TLL1: variants seen among roughly 807,000 people sequenced by gnomAD.
TLL1 encodes tolloid like 1.
In TLL1, 49 loss-of-function variants were observed where a neutral mutation model predicts 128.2. That is an observed-to-expected ratio of 0.38 (90% CI 0.30 to 0.48). The LOEUF is 0.48. Among genes scored for constraint, TLL1 ranks in the 20% least tolerant of loss-of-function variants. The pLI is 0.96. For synonymous variants in TLL1, 454 were observed against 418.8 expected (o/e 1.08, Z -1.03); for missense variants, 1,123 against 1,242.0 (o/e 0.90, Z 1.44).
rs563972607 is a variant in TLL1 at position 166,013,455 on chromosome 4, T to A, written c.918-981T>A. ...TAAATGCATTAAATTCATTTATAAG[T>A]TTTGGAAGGAAGTGCTGCATCATTT... On this transcript the variant is annotated intron_variant, in intron 7 of 20. Coordinates refer to ENST00000061240, the MANE Select transcript of TLL1 (RefSeq NM_012464.5). Among the ~76,000 whole-genome samples the A allele has an allele frequency of 5.3e-5, 8 of 151,906 alleles. No homozygotes were observed. The East Asian group carries it at 1.6e-3, about 29-fold the overall frequency.
At position 166,042,178 on chromosome 4, in the gene TLL1, T is replaced by G. The variant is rs757824303; in HGVS notation, c.1378+35T>G. The G allele has an allele frequency of 2.4e-5, 32 of 1,310,094 alleles. No individual in the cohort carries two copies. The African/African-American group carries it at 4.5e-4, about 18-fold the overall frequency. The allele number at this position is 1,310,094 out of a possible 1,614,324, so 81.2% of individuals were successfully genotyped here. A position where few individuals can be genotyped will look rare whatever the true frequency, so the allele number is the denominator to read the frequency against. ...ATTGAATTTTAGAGAGTAGTTCATC[T>G]TATATCTCAACAGAAATGTTCGTTT... On this transcript the variant is annotated intron_variant, in intron 11 of 20. Transcript: ENST00000061240.
At chr4:165,952,828 T>C (rs1178075263) in intron 1 of TLL1, among the ~76,000 whole-genome samples, 3 of 152,106 alleles carry the variant, frequency 2.0e-5, no homozygotes. Flanking sequence ...AGAAAAAATG[T>C]CATTTTTCCT....
chr4:165,994,799 C>G (rs991838647), intron 4 of TLL1, among the ~76,000 whole-genome samples: 7 of 152,140 alleles, frequency 4.6e-5, no homozygotes, highest in African/African-American at 1.7e-4. Flanking sequence ...TGATCTCTTT[C>G]AACTGACAGG....
chr4:165,900,557 T>C (rs1027523540), intron 1 of TLL1, among the ~76,000 whole-genome samples: 3 of 152,210 alleles, frequency 2.0e-5, no homozygotes, highest in Non-Finnish European at 4.4e-5. Context: ...ATGTTGAATA[T>C]TGGCCCCTAC....
rs145884056 is a variant in TLL1, at chr4:165,889,717, T to C, written c.169+15644T>C. On this transcript the variant is annotated intron_variant, in intron 1 of 20. Transcript: ENST00000061240. ...TCTTTTGATGCTTAGGTGATACTTATTGCATTCTGTTTTATTGATATTAAT... is the reference window on the plus strand; with the variant it reads ...TCTTTTGATGCTTAGGTGATACTTACTGCATTCTGTTTTATTGATATTAAT... 7.1e-3 allele frequency among the ~76,000 whole-genome samples: 1,077 copies of C among 152,336 alleles called. 14 individuals carry two copies. The highest frequency in any genetic ancestry group is 0.025 in the African/African-American group (1,024 of 41,574).
chr4:166,055,397 G>T (rs888598663), intron 13 of TLL1, 126 bp downstream of exon 13: 23 of 830,114 alleles, frequency 2.8e-5, no homozygotes, highest in Non-Finnish European at 4.5e-5. Flanking sequence ...GGATATTTTG[G>T]AGAGTTTCGA....
intron 1 of TLL1, among the ~76,000 whole-genome samples, chr4:165,931,815 A>G (rs1733543367): frequency 1.3e-5 from 2 of 152,150 alleles, no homozygotes; most frequent in Admixed American, 1.3e-4. Flanking sequence ...CACTTGCACT[A>G]AGAGAAAGTG....
chr4:165,957,037 C>A (rs1488988455), intron 1 of TLL1, among the ~76,000 whole-genome samples: 3 of 151,998 alleles, frequency 2.0e-5, no homozygotes, highest in Non-Finnish European at 4.4e-5. Flanking sequence ...ATCTAAACAC[C>A]CCACTTAAAA....
At position 166,065,699 on chromosome 4, in the gene TLL1, A is replaced by T; in HGVS notation, c.2024A>T (p.Tyr675Phe). ...LEGNEVCKYD[Y>F]VEIWSGLSSE... ...TTTTTCTAGGTTTGCAAATATGATT[A>T]TGTGGAGATCTGGAGTGGTCTTTCC... Residue 675 changes from tyrosine (Y) to phenylalanine (F), a missense_variant, in exon 16 of 21, where the codon TAT (tyrosine) becomes TTT (phenylalanine). Physicochemically the swap from Tyr to Phe is conservative, Grantham distance 22. Transcript: ENST00000061240. 3.7e-6 allele frequency: 6 copies of T among 1,613,030 alleles called. No homozygotes were observed. The highest frequency in any genetic ancestry group is 5.1e-6 in the Non-Finnish European group (6 of 1,179,262).
chr4:166,055,300 AT>A, intron 13 of TLL1, 29 bp downstream of exon 13: 9 of 1,592,804 alleles, frequency 5.7e-6, no homozygotes, highest in Non-Finnish European at 7.7e-6. Flanking sequence ...CAAACGTGAG[AT>A]TTTCTTTATC....
intron 1 of TLL1, among the ~76,000 whole-genome samples, chr4:165,927,318 T>G (rs1733320121): frequency 6.6e-6 from 1 of 152,212 alleles, no homozygotes; most frequent in Admixed American, 6.5e-5. Context: ...AGCAAGGAAC[T>G]TTAAGTTTAA....
At chr4:165,995,495 T>G (rs568009710) in intron 5 of TLL1, among the ~76,000 whole-genome samples, 11 of 152,346 alleles carry the variant, frequency 7.2e-5, no homozygotes, top group Non-Finnish European at 1.6e-4. Flanking sequence ...TCTAAAATAG[T>G]GCAGTAAGTT....
Position 165,873,865 on chromosome 4 carries a change from C to G in TLL1, c.-40C>G, listed in dbSNP as rs769081654. 3.7e-6 allele frequency: 6 copies of G among 1,611,860 alleles called. No individual in the cohort carries two copies. In the East Asian group the frequency reaches 1.3e-4, roughly 36 times the overall value. On this transcript the variant is annotated 5_prime_UTR_variant, in exon 1 of 21. Coordinates refer to ENST00000061240, the MANE Select transcript of TLL1 (RefSeq NM_012464.5). Reference sequence around the variant, plus strand: ...TCAGCGCGGACCGCGGCTGCCTAACCTCTGGGTCCCGTCCCCTCCTTTTCC... The same window carrying G: ...TCAGCGCGGACCGCGGCTGCCTAACGTCTGGGTCCCGTCCCCTCCTTTTCC...
At chr4:165,945,591 A>G (rs1431791764) in intron 1 of TLL1, among the ~76,000 whole-genome samples, 1 of 152,192 alleles carries the variant, frequency 6.6e-6, no homozygotes, top group African/African-American at 2.4e-5. Flanking sequence ...GGTGATATAA[A>G]GTATGAATTG....
At chr4:165,960,074 G>A (rs1001831939) in intron 1 of TLL1, among the ~76,000 whole-genome samples, 9 of 152,000 alleles carry the variant, frequency 5.9e-5, no homozygotes, top group Non-Finnish European at 8.8e-5. Flanking sequence ...GAATAAACAA[G>A]ATTGGTAGAT....
chr4:165,898,958 A>G (rs1456616165), intron 1 of TLL1, among the ~76,000 whole-genome samples: 1 of 152,094 alleles, frequency 6.6e-6, no homozygotes, highest in Non-Finnish European at 1.5e-5. Flanking sequence ...TAGTCTTGGG[A>G]GGGTGTATGT....
At chr4:165,955,736 G>A (rs1393076488) in intron 1 of TLL1, among the ~76,000 whole-genome samples, 1 of 152,148 alleles carries the variant, frequency 6.6e-6, no homozygotes, top group African/African-American at 2.4e-5. Context: ...GAAAAGCAAT[G>A]CTATGGGAAG....
intron 1 of TLL1, among the ~76,000 whole-genome samples, chr4:165,946,622 G>A (rs1334363192): frequency 6.6e-6 from 1 of 151,446 alleles, no homozygotes; most frequent in Non-Finnish European, 1.5e-5. Context: ...TTATAGGCGT[G>A]AGCCATGGTG....
At chr4:165,893,557 T>A (rs1253152250) in intron 1 of TLL1, among the ~76,000 whole-genome samples, 1 of 152,112 alleles carries the variant, frequency 6.6e-6, no homozygotes, top group African/African-American at 2.4e-5. Context: ...ATGCAGAGAA[T>A]CCCTACCTTG....
Sources: gnomAD v4.1 joint callset for allele counts (sites outside exome capture counted in the v4.1 genomes callset) on GRCh38, gnomAD v4.1.1 for gene constraint, MANE v1.5 for transcripts, NCBI Gene and HGNC (gene_info 2026-07-23, HGNC 2026-07-21) for gene names.